Variants in ZNF521 observed in about 807,000 individuals in gnomAD.
The protein encoded by ZNF521 is zinc finger protein 521, also known as LYST-interacting protein 3.
ZNF521 carries 14 observed loss-of-function variants against 105.5 expected under a neutral mutation model. The ratio of observed to expected loss-of-function variants is 0.13; its 90% CI spans 0.09 to 0.21. The LOEUF (loss-of-function observed/expected upper bound fraction) is 0.21, where lower values mean the gene tolerates loss of function less well. Among genes scored for constraint, ZNF521 ranks in the 10% least tolerant of loss-of-function variants. The pLI is 1.00. For missense variants in ZNF521, 1,233 were observed against 1,629.7 expected, an observed-to-expected ratio of 0.76 and a Z score of 4.19; for synonymous variants, 635 against 606.0, an observed-to-expected ratio of 1.05 and a Z score of -0.70.
chr18:25,160,545 C>T, intron 5 of ZNF521, among the ~76,000 whole-genome samples: 1 of 152,192 alleles, frequency 6.6e-6, no homozygotes, highest in East Asian at 1.9e-4. Context: ...CATACACACA[C>T]ATCACCACTC....
Position 25,338,259 on chromosome 18 carries a change from TTGTGTGTG to T in ZNF521, c.40+12640_40+12647del, listed in dbSNP as rs34813730. On this transcript the variant is annotated intron_variant, in intron 2 of 7. Coordinates refer to ENST00000361524, the MANE Select transcript of ZNF521 (RefSeq NM_015461.3). ...AATTCAAACAACCTCTCATAGACTT[TTGTGTGTG>T]TGTGTGTGTGTGTGTGTGTGTGTGT... Among the ~76,000 whole-genome samples the T allele has an allele frequency of 4.9e-3, 673 of 136,590 alleles. 7 individuals carry two copies. The highest frequency in any genetic ancestry group is 0.017 in the African/African-American group (613 of 36,486). 89.6% of individuals were successfully genotyped at this position (136,590 alleles called of 152,430 possible).
chr18:25,110,992 G>T (rs989453437), intron 5 of ZNF521, among the ~76,000 whole-genome samples: 18 of 151,904 alleles, frequency 1.2e-4, no homozygotes, highest in African/African-American at 4.4e-4. Context: ...CGAACTCCTG[G>T]CCTTAAGTGT....
intron 5 of ZNF521, among the ~76,000 whole-genome samples, chr18:25,104,379 T>G (rs538424897): frequency 8.5e-5 from 13 of 152,342 alleles, no homozygotes; most frequent in Non-Finnish European, 1.8e-4. Context: ...GCATGATATG[T>G]GATACAATAA....
At chr18:25,328,555 ATTT>A (rs553485009) in intron 2 of ZNF521, among the ~76,000 whole-genome samples, 1 of 140,734 alleles carries the variant, frequency 7.1e-6, no homozygotes, top group African/African-American at 2.6e-5. Flanking sequence ...TTTTTTATTA[ATTT>A]TTTTTTTTTT....
At chr18:25,273,843 G>A (rs539623075) in intron 3 of ZNF521, among the ~76,000 whole-genome samples, 9 of 152,190 alleles carry the variant, frequency 5.9e-5, no homozygotes, top group African/African-American at 1.9e-4. Flanking sequence ...TGTCCATAAC[G>A]GCTAATTTGG....
At chr18:25,342,650 G>A (rs576595559) in intron 2 of ZNF521, among the ~76,000 whole-genome samples, 119 of 151,736 alleles carry the variant, frequency 7.8e-4, no homozygotes, top group Non-Finnish European at 1.3e-3. Context: ...GGATGGTCTC[G>A]ATCTCCTGAC....
intron 5 of ZNF521, among the ~76,000 whole-genome samples, chr18:25,098,543 C>T (rs2033900753): frequency 1.3e-5 from 2 of 151,702 alleles, no homozygotes; most frequent in South Asian, 2.1e-4. Context: ...AAATTGTTAG[C>T]CAAGAAAAGA....
intron 7 of ZNF521, among the ~76,000 whole-genome samples, chr18:25,078,623 C>G (rs753097638): frequency 3.9e-5 from 6 of 152,250 alleles, no homozygotes; most frequent in Admixed American, 6.5e-5. Flanking sequence ...AAGGCCATTT[C>G]TGCAGCTTAT....
chr18:25,064,572 G>C (rs1204422804), intron 7 of ZNF521, among the ~76,000 whole-genome samples: 2 of 152,242 alleles, frequency 1.3e-5, no homozygotes, highest in African/African-American at 4.8e-5. Context: ...AAAGAGCTGA[G>C]ACTGTCTTGT....
chr18:25,122,859 A>G (rs1259702812), intron 5 of ZNF521, among the ~76,000 whole-genome samples: 1 of 152,122 alleles, frequency 6.6e-6, no homozygotes, highest in East Asian at 1.9e-4. Flanking sequence ...GAGAGAAAAA[A>G]ACATCAGGAA....
At chr18:25,325,746 C>T (rs1426070658) in intron 2 of ZNF521, among the ~76,000 whole-genome samples, 2 of 152,020 alleles carry the variant, frequency 1.3e-5, no homozygotes, top group South Asian at 4.1e-4. Flanking sequence ...TTATACCGTT[C>T]TGATTGGATA....
chr18:25,157,816 T>C (rs192472132), intron 5 of ZNF521, among the ~76,000 whole-genome samples: 1 of 152,136 alleles, frequency 6.6e-6, no homozygotes, highest in East Asian at 1.9e-4. Context: ...AATGGTGCTG[T>C]GTTGGCTCAC....
intron 3 of ZNF521, among the ~76,000 whole-genome samples, chr18:25,261,887 T>G (rs1227051177): frequency 6.6e-6 from 1 of 152,302 alleles, no homozygotes; most frequent in East Asian, 1.9e-4. Flanking sequence ...GCGGAAGGAC[T>G]TGGGCATTTT....
chr18:25,129,665 C>T (rs1371710746), intron 5 of ZNF521, among the ~76,000 whole-genome samples: 2 of 151,290 alleles, frequency 1.3e-5, no homozygotes, highest in Admixed American at 6.6e-5. Context: ...TAGAAAGTGG[C>T]GGGGTGGGGG....
intron 5 of ZNF521, among the ~76,000 whole-genome samples, chr18:25,116,413 A>G (rs1340547936): frequency 6.6e-6 from 1 of 152,162 alleles, no homozygotes; most frequent in Non-Finnish European, 1.5e-5. Flanking sequence ...ATTTAAAAAT[A>G]AACAAACTAC....
chr18:25,152,250 G>A (rs1038998065), intron 5 of ZNF521, among the ~76,000 whole-genome samples: 3 of 152,068 alleles, frequency 2.0e-5, no homozygotes, highest in South Asian at 2.1e-4. Flanking sequence ...AGGCCGAGGC[G>A]GGTGGATCAC....
chr18:25,130,682 C>T (rs1368527947), intron 5 of ZNF521, among the ~76,000 whole-genome samples: 2 of 152,160 alleles, frequency 1.3e-5, no homozygotes, highest in East Asian at 3.9e-4. Flanking sequence ...ATGGCTCACA[C>T]TTGTTATCCC....
intron 4 of ZNF521, among the ~76,000 whole-genome samples, chr18:25,220,663 G>A (rs1324092559): frequency 1.3e-5 from 2 of 152,188 alleles, no homozygotes; most frequent in Non-Finnish European, 2.9e-5. Flanking sequence ...TGGAGATCAT[G>A]AGGATAATGG....
chr18:25,168,318 C>A (rs923154474), intron 5 of ZNF521, among the ~76,000 whole-genome samples: 1 of 152,192 alleles, frequency 6.6e-6, no homozygotes, highest in Non-Finnish European at 1.5e-5. Flanking sequence ...TCAGTGCCTG[C>A]CTGGTTCCCT....
Sources: gnomAD v4.1 joint callset for allele counts (sites outside exome capture counted in the v4.1 genomes callset) on GRCh38, gnomAD v4.1.1 for gene constraint, MANE v1.5 for transcripts, NCBI Gene and HGNC (gene_info 2026-07-23, HGNC 2026-07-21) for gene names.